PPP2R2C: variants seen among roughly 807,000 people sequenced by gnomAD.
The protein encoded by PPP2R2C is protein phosphatase 2, regulatory subunit B, gamma.
A neutral mutation model predicts 45.3 loss-of-function variants in PPP2R2C; 10 were observed. The observed-to-expected ratio is 0.22, with a 90% CI of 0.14 to 0.37. PPP2R2C has a LOEUF of 0.37. PPP2R2C is among the 10% of genes least tolerant of loss of function. PPP2R2C has a pLI of 1.00. For missense variants in PPP2R2C, 308 were observed against 619.7 expected (o/e 0.50, Z 5.34); for synonymous variants, 257 against 245.4 (o/e 1.05, Z -0.44).
chr4:6,453,164 A>AC (rs1274730968), intron 1 of PPP2R2C, among the ~76,000 whole-genome samples: 11 of 151,612 alleles, frequency 7.3e-5, no homozygotes, highest in South Asian at 4.2e-4. Flanking sequence ...CCTTGAAGGG[A>AC]CCCCCCCACA....
intron 5 of PPP2R2C, among the ~76,000 whole-genome samples, chr4:6,370,778 A>G (rs1466771664): frequency 6.6e-6 from 1 of 152,212 alleles, no homozygotes; most frequent in Non-Finnish European, 1.5e-5. Flanking sequence ...GTGCAGCAGA[A>G]AGAGTCTAAC....
At chr4:6,511,290 G>GGTGGTGGTGATGGTA (rs1170791848) in intron 2 of PPP2R2C, among the ~76,000 whole-genome samples, 14 of 151,970 alleles carry the variant, frequency 9.2e-5, no homozygotes, top group Non-Finnish European at 1.8e-4. Flanking sequence ...TGATGCTGAT[G>GGTGGTGGTGATGGTA]CTGATGGTGG....
At chr4:6,435,231 C>T (rs1451283234) in intron 1 of PPP2R2C, among the ~76,000 whole-genome samples, 1 of 152,094 alleles carries the variant, frequency 6.6e-6, no homozygotes, top group Non-Finnish European at 1.5e-5. Context: ...TCTCATCTTC[C>T]ATATCTCTTA....
intron 8 of PPP2R2C, among the ~76,000 whole-genome samples, chr4:6,326,312 G>GA (rs1233828178): frequency 6.6e-6 from 1 of 152,120 alleles, no homozygotes; most frequent in East Asian, 1.9e-4. Flanking sequence ...CGGCCGGAGA[G>GA]AAAAAAACAG....
intron 2 of PPP2R2C, among the ~76,000 whole-genome samples, chr4:6,496,604 G>A (rs1020761537): frequency 6.6e-6 from 1 of 152,232 alleles, no homozygotes; most frequent in African/African-American, 2.4e-5. Context: ...GCTCACGCCT[G>A]TAATCCCAAC....
At chr4:6,537,182 G>A (rs1438955572) in intron 1 of PPP2R2C, among the ~76,000 whole-genome samples, 2 of 151,902 alleles carry the variant, frequency 1.3e-5, no homozygotes, top group Admixed American at 6.6e-5. Flanking sequence ...CAGTCTGGGC[G>A]ACAGAGCGAG....
At chr4:6,434,084 G>A (rs554120406) in intron 1 of PPP2R2C, among the ~76,000 whole-genome samples, 16 of 152,300 alleles carry the variant, frequency 1.1e-4, no homozygotes, top group African/African-American at 3.6e-4. Flanking sequence ...GCAGTCATAA[G>A]ATACCATGTT....
At chr4:6,391,897 C>A (rs1206609976) in intron 1 of PPP2R2C, among the ~76,000 whole-genome samples, 3 of 152,226 alleles carry the variant, frequency 2.0e-5, no homozygotes, top group Admixed American at 6.5e-5. Flanking sequence ...TGGGCAAAGC[C>A]CTTCACACCT....
chr4:6,557,080 C>T (rs981085050), intron 1 of PPP2R2C, among the ~76,000 whole-genome samples: 6 of 152,066 alleles, frequency 3.9e-5, no homozygotes, highest in African/African-American at 9.7e-5. Flanking sequence ...TAGAAGATAC[C>T]GAGGAGGATT....
Position 6,326,940 on chromosome 4 carries a change from T to G in PPP2R2C, c.1052+2322A>C, listed in dbSNP as rs151137961. Among the ~76,000 whole-genome samples, 43 of 152,170 alleles carry G rather than the reference T, an allele frequency of 2.8e-4. 1 individual carries two copies. The East Asian group carries it at 8.3e-3, about 30-fold the overall frequency. On this transcript the variant is annotated intron_variant, in intron 8 of 8. Coordinates refer to ENST00000382599, the MANE Select transcript of PPP2R2C (RefSeq NM_020416.4). ...AACTGGGAGCCTGCCAGGATTCGAG[T>G]TTGCTTTGGTCTGCAAGGATGTGGG...
intron 1 of PPP2R2C, among the ~76,000 whole-genome samples, chr4:6,437,912 G>T (rs575578796): frequency 1.5e-3 from 224 of 152,326 alleles, no homozygotes; most frequent in Middle Eastern, 3.4e-3. Context: ...ACAGGCCTTA[G>T]AAGGGAGGGG....
intron 1 of PPP2R2C, among the ~76,000 whole-genome samples, chr4:6,543,854 G>T (rs1266006609): frequency 2.0e-5 from 3 of 152,182 alleles, no homozygotes; most frequent in African/African-American, 4.8e-5. Context: ...CAGTACTGGG[G>T]GTGGTAAAGC....
chr4:6,398,530 G>T (rs886685673), intron 1 of PPP2R2C, among the ~76,000 whole-genome samples: 1 of 152,100 alleles, frequency 6.6e-6, no homozygotes, highest in Non-Finnish European at 1.5e-5. Flanking sequence ...ATCACAAGAC[G>T]CAGATGCAAA....
chr4:6,538,821 C>T (rs886883907), intron 1 of PPP2R2C, among the ~76,000 whole-genome samples: 7 of 152,208 alleles, frequency 4.6e-5, no homozygotes, highest in East Asian at 1.9e-4. Context: ...AATGTCCTCC[C>T]GGCCCTGCTG....
intron 1 of PPP2R2C, among the ~76,000 whole-genome samples, chr4:6,446,167 G>A (rs1334613163): frequency 6.6e-6 from 1 of 152,170 alleles, no homozygotes; most frequent in Non-Finnish European, 1.5e-5. Context: ...AACAGCACTT[G>A]ATCCACATGA....
chr4:6,333,674 G>A lies in PPP2R2C; in HGVS notation c.848C>T (p.Ser283Phe). 1 of 1,614,192 alleles carries A rather than the reference G, an allele frequency of 6.2e-7. No homozygotes were observed. Among genetic ancestry groups the A allele is most frequent in the Non-Finnish European group, 8.5e-7 (1 of 1,180,034 alleles). Reference protein sequence around the residue: ...NRSFFSEIISSVSDVKFSHSG... With the variant: ...NRSFFSEIISFVSDVKFSHSG... ...GTGGCTGAACTTCACGTCGGACACG[G>A]AGGAGATGATTTCCGAGAAGAATGA... The change falls in exon 7 of 9, where the codon TCC becomes TTC. Residue 283 changes from serine (S) to phenylalanine (F), a missense_variant. Coordinates refer to ENST00000382599, the MANE Select transcript of PPP2R2C (RefSeq NM_020416.4).
chr4:6,343,814 AAAAG>A (rs1711564926), intron 6 of PPP2R2C, among the ~76,000 whole-genome samples: 1 of 152,262 alleles, frequency 6.6e-6, no homozygotes, highest in Admixed American at 6.5e-5. Flanking sequence ...CTGCTCCAGA[AAAAG>A]AAAGAAAAAG....
intron 5 of PPP2R2C, among the ~76,000 whole-genome samples, chr4:6,371,246 G>A (rs1257913115): frequency 6.6e-6 from 1 of 152,236 alleles, no homozygotes; most frequent in Non-Finnish European, 1.5e-5. Flanking sequence ...CCCTCTGGCT[G>A]GCTCAGGGGA....
chr4:6,518,922 T>TTAAAAA (rs1354788203), intron 2 of PPP2R2C, among the ~76,000 whole-genome samples: 16 of 92,920 alleles, frequency 1.7e-4, no homozygotes, highest in African/African-American at 9.9e-4. Context: ...GACTCTGTCT[T>TTAAAAA]AAAAAAAAAA....
Sources: gnomAD v4.1 joint callset for allele counts (sites outside exome capture counted in the v4.1 genomes callset) on GRCh38, gnomAD v4.1.1 for gene constraint, MANE v1.5 for transcripts, NCBI Gene and HGNC (gene_info 2026-07-23, HGNC 2026-07-21) for gene names.